ESRRG: variants seen among roughly 807,000 people sequenced by gnomAD.
ESRRG encodes estrogen-related receptor gamma.
Under a neutral mutation model 44.0 loss-of-function variants are expected in ESRRG, and 13 were observed. The ratio of observed to expected loss-of-function variants is 0.30; its 90% CI spans 0.19 to 0.47. ESRRG has a LOEUF of 0.47. Among genes scored for constraint, ESRRG ranks in the 20% least tolerant of loss-of-function variants. The probability of loss-of-function intolerance (pLI) is 1.00; values close to 1 mark genes in which losing one functional copy is unlikely to be tolerated. For missense variants in ESRRG, 395 were observed against 580.6 expected, an observed-to-expected ratio of 0.68 and a Z score of 3.29; for synonymous variants, 215 against 214.6, an observed-to-expected ratio of 1.00 and a Z score of -0.02.
intron 2 of ESRRG, among the ~76,000 whole-genome samples, chr1:216,832,171 G>GATTA (rs779067948): frequency 6.6e-6 from 1 of 152,126 alleles, no homozygotes; most frequent in African/African-American, 2.4e-5. Context: ...ATATCATTTT[G>GATTA]ATTAATTTTT....
chr1:216,650,948 C>T, intron 3 of ESRRG, 25 bp downstream of exon 3: 2 of 1,454,374 alleles, frequency 1.4e-6, no homozygotes, highest in Non-Finnish European at 1.9e-6. Flanking sequence ...ATCAAAACCT[C>T]AGGGGCACTA....
At chr1:216,753,449 C>A (rs1372751029) in intron 2 of ESRRG, among the ~76,000 whole-genome samples, 3 of 151,918 alleles carry the variant, frequency 2.0e-5, no homozygotes, top group Non-Finnish European at 4.4e-5. Context: ...TTTTTAAAGT[C>A]CATATTAATG....
intron 1 of ESRRG, among the ~76,000 whole-genome samples, chr1:217,128,843 C>A (rs985975786): frequency 1.3e-5 from 2 of 152,094 alleles, no homozygotes; most frequent in Non-Finnish European, 2.9e-5. Context: ...TAATCTGAGT[C>A]TTTTCATGGA....
At chr1:216,661,790 T>G (rs2072506520) in intron 2 of ESRRG, among the ~76,000 whole-genome samples, 1 of 152,194 alleles carries the variant, frequency 6.6e-6, no homozygotes, top group South Asian at 2.1e-4. Flanking sequence ...AGTTCATATA[T>G]TCAACAAATA....
At chr1:217,130,013 C>T (rs1157901769) in intron 1 of ESRRG, among the ~76,000 whole-genome samples, 3 of 152,120 alleles carry the variant, frequency 2.0e-5, no homozygotes, top group Middle Eastern at 3.4e-3. Context: ...TAACTTGAAC[C>T]CCCAGCAGAA....
At chr1:216,533,858 G>A (rs1670797367) in intron 5 of ESRRG, among the ~76,000 whole-genome samples, 1 of 152,020 alleles carries the variant, frequency 6.6e-6, no homozygotes, top group South Asian at 2.1e-4. Context: ...GTTCCATACT[G>A]CTTCAGGATC....
intron 1 of ESRRG, among the ~76,000 whole-genome samples, chr1:216,940,615 A>G (rs927027628): frequency 6.6e-6 from 1 of 152,142 alleles, no homozygotes; most frequent in Non-Finnish European, 1.5e-5. Flanking sequence ...GCCACTTTGC[A>G]TCACATCCCT....
At chr1:216,881,968 G>GT (rs762895843) in intron 2 of ESRRG, among the ~76,000 whole-genome samples, 1 of 123,840 alleles carries the variant, frequency 8.1e-6, no homozygotes, top group Non-Finnish European at 1.7e-5. Flanking sequence ...CTATGCACTG[G>GT]GTTTTTTTTT....
At chr1:216,997,334 G>T (rs372016499) in intron 1 of ESRRG, among the ~76,000 whole-genome samples, 2 of 152,140 alleles carry the variant, frequency 1.3e-5, no homozygotes, top group Non-Finnish European at 2.9e-5. Flanking sequence ...AGAACATGCC[G>T]CTAGCAGGAT....
intron 1 of ESRRG, among the ~76,000 whole-genome samples, chr1:217,078,637 C>T (rs1466490103): frequency 1.3e-5 from 2 of 152,150 alleles, no homozygotes; most frequent in African/African-American, 4.8e-5. Flanking sequence ...AAGGTATTCT[C>T]GGGACTTATA....
In ESRRG at chr1:216,858,537, C is replaced by T. The variant is rs567768790; in HGVS notation, c.-14+81045G>A. ...TCTTTTTCTGATTAGTAGTGAGTGA[C>T]TCTCAAATGCTGGGCATGGGCAGAC... On this transcript the variant is annotated intron_variant, in intron 2 of 7. Transcript: ENST00000359162. Among the ~76,000 whole-genome samples, 18 of 152,246 alleles carry T rather than the reference C, an allele frequency of 1.2e-4. No homozygotes were observed. In the South Asian group the frequency reaches 3.7e-3, roughly 32 times the overall value.
intron 2 of ESRRG, among the ~76,000 whole-genome samples, chr1:216,838,577 C>T (rs898857077): frequency 6.6e-6 from 1 of 152,092 alleles, no homozygotes; most frequent in African/African-American, 2.4e-5. Context: ...AGCCTCAACT[C>T]ACCAGGCTAT....
intron 1 of ESRRG, among the ~76,000 whole-genome samples, chr1:217,036,127 G>A (rs1433869018): frequency 6.6e-6 from 1 of 152,164 alleles, no homozygotes; most frequent in African/African-American, 2.4e-5. Context: ...TCTCAAGCCA[G>A]TCAGAATGGG....
intron 2 of ESRRG, among the ~76,000 whole-genome samples, chr1:216,749,230 C>T (rs1559499534): frequency 6.6e-6 from 1 of 151,986 alleles, no homozygotes; most frequent in Non-Finnish European, 1.5e-5. Flanking sequence ...TGACTGGTGC[C>T]ATCCAGTGCG....
chr1:217,026,240 C>A (rs940665528), intron 1 of ESRRG, among the ~76,000 whole-genome samples: 11 of 152,210 alleles, frequency 7.2e-5, no homozygotes, highest in African/African-American at 2.7e-4. Flanking sequence ...GACTAGATGC[C>A]CTTCTGGATC....
intron 1 of ESRRG, among the ~76,000 whole-genome samples, chr1:217,119,180 A>AT (rs2092785165): frequency 3.9e-5 from 6 of 152,138 alleles, no homozygotes; most frequent in Admixed American, 3.3e-4. Context: ...AGCACCATTC[A>AT]TTACTGTGCA....
intron 2 of ESRRG, among the ~76,000 whole-genome samples, chr1:216,832,867 T>C (rs1164080615): frequency 6.6e-6 from 1 of 151,866 alleles, no homozygotes; most frequent in East Asian, 1.9e-4. Flanking sequence ...TCCCAGCTAC[T>C]CAGGAGGCTG....
chr1:216,644,427 C>CTTTTTTTTT lies in ESRRG; in HGVS notation c.589+6537_589+6545dup, dbSNP rs71161439. On this transcript the variant is annotated intron_variant, in intron 3 of 6. Transcript: ENST00000408911. ...AAAGATACTTTATGTTTCTTTCTTTCTTTTTTTTTTTTTTTTTCTGAGACA... is the reference window on the plus strand; with the variant it reads ...AAAGATACTTTATGTTTCTTTCTTTCTTTTTTTTTTTTTTTTTTTTTTTTTTCTGAGACA... Among the ~76,000 whole-genome samples, 20 of 128,480 alleles carry CTTTTTTTTT rather than the reference C, an allele frequency of 1.6e-4. 1 individual carries two copies. Among genetic ancestry groups the CTTTTTTTTT allele is most frequent in the South Asian group, 2.5e-4 (1 of 4,048 alleles). The allele number at this position is 128,480 out of a possible 152,430, so 84.3% of individuals were successfully genotyped here.
intron 3 of ESRRG, among the ~76,000 whole-genome samples, chr1:216,618,758 A>T (rs951573061): frequency 6.6e-6 from 1 of 152,308 alleles, no homozygotes; most frequent in East Asian, 1.9e-4. Context: ...TTTGCCTTCT[A>T]TGTTTAAGGT....
Sources: allele counts gnomAD v4.1 joint callset (sites outside exome capture counted in the v4.1 genomes callset), GRCh38; gene constraint gnomAD v4.1.1; transcripts MANE v1.5; gene names NCBI Gene and HGNC (gene_info 2026-07-23, HGNC 2026-07-21).